Variants in RASEF observed in about 807,000 individuals in gnomAD.
The protein encoded by RASEF is ras and EF-hand domain-containing protein.
Under a neutral mutation model 90.1 loss-of-function variants are expected in RASEF, and 68 were observed. The ratio of observed to expected loss-of-function variants is 0.75; its 90% confidence interval spans 0.62 to 0.92. The LOEUF (loss-of-function observed/expected upper bound fraction) is 0.92. Among genes scored for constraint, RASEF ranks in the 40% least tolerant of loss-of-function variants. The pLI is 0.00. For synonymous variants in RASEF, 331 were observed against 345.2 expected (o/e 0.96, Z 0.46); for missense variants, 949 against 937.2 (o/e 1.01, Z -0.16).
chr9:83,098,905 G>A, the RASEF span, among the ~76,000 whole-genome samples: 1 of 152,120 alleles, frequency 6.6e-6, no homozygotes, highest in African/African-American at 2.4e-5. Context: ...AGATTCAGGT[G>A]GCGACACAGA....
intron 1 of RASEF, among the ~76,000 whole-genome samples, chr9:83,058,346 C>T (rs576599583): frequency 3.1e-4 from 46 of 150,810 alleles, no homozygotes; most frequent in Admixed American, 7.2e-4. Context: ...CCACGCCCGG[C>T]TAATTTTTTG....
chr9:83,130,955 G>A, the RASEF span, among the ~76,000 whole-genome samples: 1 of 152,218 alleles, frequency 6.6e-6, no homozygotes, highest in East Asian at 1.9e-4. Flanking sequence ...CTGAACAAGT[G>A]TCCTGGACTG....
chr9:83,133,204 G>A, the RASEF span, among the ~76,000 whole-genome samples: 73,469 of 151,912 alleles, frequency 0.48, 17,964 homozygotes, highest in East Asian at 0.76. Flanking sequence ...CTCCAGTGTA[G>A]CATCAGTTCC....
chr9:83,037,750 T>C (rs1351201847), intron 1 of RASEF, among the ~76,000 whole-genome samples: 5 of 151,092 alleles, frequency 3.3e-5, no homozygotes, highest in African/African-American at 1.2e-4. Flanking sequence ...TCCTATTTTT[T>C]TTTTTTTTTT....
At chr9:83,098,051 T>C in the RASEF span, among the ~76,000 whole-genome samples, 1 of 152,150 alleles carries the variant, frequency 6.6e-6, no homozygotes, top group Non-Finnish European at 1.5e-5. Context: ...ACGACAAAGC[T>C]ACAGTCAAAT....
intron 2 of RASEF, among the ~76,000 whole-genome samples, chr9:83,022,927 C>T (rs898341691): frequency 1.8e-4 from 27 of 152,086 alleles, no homozygotes; most frequent in African/African-American, 6.3e-4. Context: ...TTTAGGTAAT[C>T]CTTTATTGAC....
chr9:83,193,552 A>G, the RASEF span, among the ~76,000 whole-genome samples: 1 of 152,222 alleles, frequency 6.6e-6, no homozygotes, highest in African/African-American at 2.4e-5. Flanking sequence ...ATCAAATGGA[A>G]CAGTGCCTAG....
chr9:83,008,936 G>A (rs1237325502), intron 6 of RASEF, among the ~76,000 whole-genome samples: 11 of 33,016 alleles, frequency 3.3e-4, no homozygotes, highest in Admixed American at 5.7e-4. Context: ...ATATATATAT[G>A]ACGTGGGCTC....
At chr9:83,075,979 C>T in the RASEF span, among the ~76,000 whole-genome samples, 1 of 151,902 alleles carries the variant, frequency 6.6e-6, no homozygotes, top group African/African-American at 2.4e-5. Flanking sequence ...ACCAGCCTGG[C>T]CACCACAGTG....
At chr9:83,020,031 A>G (rs971925903) in intron 3 of RASEF, among the ~76,000 whole-genome samples, 1 of 152,236 alleles carries the variant, frequency 6.6e-6, no homozygotes, top group African/African-American at 2.4e-5. Flanking sequence ...TGGTGCATAC[A>G]TATGTCCAAA....
the RASEF span, among the ~76,000 whole-genome samples, chr9:83,112,829 G>T: frequency 6.7e-5 from 10 of 149,010 alleles, no homozygotes; most frequent in Non-Finnish European, 1.4e-4. Flanking sequence ...GGGTTTTTTT[G>T]TTTTTTGTTT....
At chr9:83,087,380 T>C in the RASEF span, among the ~76,000 whole-genome samples, 1 of 146,802 alleles carries the variant, frequency 6.8e-6, no homozygotes, top group South Asian at 2.2e-4. Context: ...ACCAGAGAAT[T>C]TGCTCATACA....
chr9:83,026,641 A>G (rs1732005461), intron 1 of RASEF, among the ~76,000 whole-genome samples: 1 of 152,206 alleles, frequency 6.6e-6, no homozygotes, highest in African/African-American at 2.4e-5. Context: ...TATGGGGATA[A>G]CCATTCAAGA....
the RASEF span, among the ~76,000 whole-genome samples, chr9:83,203,317 C>T: frequency 1.3e-5 from 2 of 151,706 alleles, no homozygotes; most frequent in African/African-American, 4.8e-5. Flanking sequence ...ATTCTGTCAC[C>T]CGGGCTGCAG....
chr9:82,994,162 G>T (rs887987810), intron 14 of RASEF, among the ~76,000 whole-genome samples: 1 of 152,112 alleles, frequency 6.6e-6, no homozygotes, highest in Non-Finnish European at 1.5e-5. Flanking sequence ...TGGACTGAAG[G>T]CTCCAGAGTG....
the RASEF span, among the ~76,000 whole-genome samples, chr9:83,127,034 A>G: frequency 6.6e-6 from 1 of 152,224 alleles, no homozygotes; most frequent in Non-Finnish European, 1.5e-5. Flanking sequence ...AATATAATAC[A>G]TAAATTGTAA....
At chr9:83,079,349 A>G in the RASEF span, among the ~76,000 whole-genome samples, 1 of 152,180 alleles carries the variant, frequency 6.6e-6, no homozygotes, top group African/African-American at 2.4e-5. Context: ...TTTGTCAAAG[A>G]TCATAGATGT....
the RASEF span, among the ~76,000 whole-genome samples, chr9:83,112,021 C>T: frequency 2.0e-5 from 3 of 151,578 alleles, no homozygotes; most frequent in Non-Finnish European, 2.9e-5. Context: ...GGCAAATAAT[C>T]GAACTTATGA....
chr9:83,195,366 C>T, the RASEF span, among the ~76,000 whole-genome samples: 1 of 152,206 alleles, frequency 6.6e-6, no homozygotes, highest in Admixed American at 6.5e-5. Context: ...AGTTGTCTGA[C>T]AGTCCAAAGG....
Sources: allele counts gnomAD v4.1 joint callset (sites outside exome capture counted in the v4.1 genomes callset), GRCh38; gene constraint gnomAD v4.1.1; transcripts MANE v1.5; gene names NCBI Gene and HGNC (gene_info 2026-07-23, HGNC 2026-07-21).